Variants in SAMD3 observed in about 807,000 individuals in gnomAD.
The protein encoded by SAMD3 is sterile alpha motif domain-containing protein 3.
Under a neutral mutation model 58.5 loss-of-function variants are expected in SAMD3, and 63 were observed. The ratio of observed to expected loss-of-function variants is 1.08; its 90% CI spans 0.88 to 1.33. SAMD3 has a LOEUF of 1.33. Among genes scored for constraint, SAMD3 ranks in the 40% most tolerant of loss-of-function variants. The pLI is 0.00. For synonymous variants in SAMD3, 220 were observed against 210.3 expected (o/e 1.05, Z -0.40); for missense variants, 604 against 608.4 (o/e 0.99, Z 0.08).
intron 5 of SAMD3, among the ~76,000 whole-genome samples, chr6:130,186,144 T>C (rs1792942447): frequency 6.6e-6 from 1 of 151,960 alleles, no homozygotes; most frequent in African/African-American, 2.4e-5. Flanking sequence ...TAGGATCGAT[T>C]TGTGGTGGAA....
At chr6:130,247,829 ATTTCTGTGTCT>A (rs1317828684) in intron 2 of SAMD3, among the ~76,000 whole-genome samples, 1 of 152,204 alleles carries the variant, frequency 6.6e-6, no homozygotes, top group Admixed American at 6.5e-5. Context: ...GTTATTTAAC[ATTTCTGTGTCT>A]TTACTTAAGT....
intron 2 of SAMD3, among the ~76,000 whole-genome samples, chr6:130,280,768 C>T (rs1774953926): frequency 2.0e-5 from 3 of 152,172 alleles, no homozygotes; most frequent in African/African-American, 4.8e-5. Flanking sequence ...ATCTTCTTGC[C>T]TTCCCTCTTT....
intron 8 of SAMD3, among the ~76,000 whole-genome samples, chr6:130,157,195 A>C (rs1789870126): frequency 1.3e-5 from 2 of 151,972 alleles, no homozygotes; most frequent in African/African-American, 4.8e-5. Context: ...TTAATTAACT[A>C]ATTAAAGATG....
Position 130,144,451 on chromosome 6 carries a change from A to C in SAMD3, c.*69T>G. ...ATACCTACCTCTACCACAACCCTAA[A>C]TCAAAACAATTTCTTATGAAGCTTC... is the stretch of plus-strand genomic sequence containing the variant. On this transcript the variant is annotated 3_prime_UTR_variant, in exon 12 of 12. Coordinates refer to ENST00000439090, the MANE Select transcript of SAMD3 (RefSeq NM_001017373.4). 1 of 1,508,720 alleles carries C rather than the reference A, an allele frequency of 6.6e-7. No individual in the cohort carries two copies. The highest frequency in any genetic ancestry group is 9.0e-7 in the Non-Finnish European group (1 of 1,114,898). The allele number at this position is 1,508,720 out of a possible 1,614,324, so 93.5% of individuals were successfully genotyped here.
rs1788531130 is a variant in SAMD3 at position 130,145,408 on chromosome 6, C to CATGTAAACA, written c.1209_1210insTGTTTACAT (p.Thr403_Ala404insCysLeuHis). 2 of 1,610,292 alleles carry CATGTAAACA rather than the reference C, an allele frequency of 1.2e-6. No individual in the cohort carries two copies. Among genetic ancestry groups the CATGTAAACA allele is most frequent in the Non-Finnish European group, 1.7e-6 (2 of 1,177,386 alleles). ...ACATCTGGGAGGAGTAAACATGTGG[C>CATGTAAACA]TGTCATCTTCATGTCTGTCAAAGCA... On this transcript the variant is annotated inframe_insertion, in exon 11 of 12. Transcript: ENST00000439090.
intron 4 of SAMD3, among the ~76,000 whole-genome samples, chr6:130,211,741 C>T (rs954190699): frequency 2.6e-5 from 4 of 151,988 alleles, no homozygotes; most frequent in Admixed American, 6.6e-5. Flanking sequence ...ACATTGGGCA[C>T]ATGTCATCAG....
intron 7 of SAMD3, among the ~76,000 whole-genome samples, chr6:130,176,537 G>A (rs1791750770): frequency 6.6e-6 from 1 of 152,224 alleles, no homozygotes; most frequent in African/African-American, 2.4e-5. Context: ...TCCCCACTCT[G>A]GGAGGGAGAA....
At chr6:130,207,159 C>CA (rs376844642) in intron 5 of SAMD3, among the ~76,000 whole-genome samples, 670 of 52,640 alleles carry the variant, frequency 0.013, 2 homozygotes, top group Middle Eastern at 0.02. Context: ...CCCATCTCAT[C>CA]AAAAAAAAAA....
intron 5 of SAMD3, among the ~76,000 whole-genome samples, chr6:130,201,240 T>C (rs1035868105): frequency 1.3e-5 from 2 of 152,210 alleles, no homozygotes; most frequent in African/African-American, 4.8e-5. Context: ...TATGTATACC[T>C]GATCAAATCA....
At chr6:130,245,066 C>T (rs73603985) in intron 2 of SAMD3, among the ~76,000 whole-genome samples, 2,030 of 152,264 alleles carry the variant, frequency 0.013, 41 homozygotes, top group African/African-American at 0.046. Flanking sequence ...TCAACAAATT[C>T]ATTTGAATTA....
chr6:130,292,933 G>A (rs1303735437), intron 2 of SAMD3, among the ~76,000 whole-genome samples: 1 of 152,180 alleles, frequency 6.6e-6, no homozygotes, highest in African/African-American at 2.4e-5. Context: ...CAACTGTTAA[G>A]TGTCAAACTC....
chr6:130,289,649 G>A (rs867723850), intron 2 of SAMD3, among the ~76,000 whole-genome samples: 2 of 152,132 alleles, frequency 1.3e-5, no homozygotes. Context: ...AGGGGCACCT[G>A]CCACCATGTC....
intron 8 of SAMD3, among the ~76,000 whole-genome samples, chr6:130,157,905 C>A (rs78615861): frequency 2.0e-5 from 3 of 150,556 alleles, no homozygotes; most frequent in Non-Finnish European, 2.9e-5. Flanking sequence ...TTCTAACATA[C>A]GCTAACATAG....
Position 130,144,690 on chromosome 6 carries a change from C to G in SAMD3, c.1393G>C (p.Ala465Pro). ...RLTKVDDCVT[A>P]LAALVAAFHV... is the part of the protein sequence containing the mutation. ...AAGGCAGCTACTAGCGCAGCCAAGG[C>G]TGTAACACAGTCGTCCACCTTTGTG... is the stretch of plus-strand genomic sequence containing the variant. Residue 465 changes from alanine (A) to proline (P), a missense_variant, in exon 12 of 12, where the codon GCC becomes CCC. Ala to Pro is a conservative substitution (Grantham distance 27, BLOSUM62 -1). Coordinates refer to ENST00000439090, the MANE Select transcript of SAMD3 (RefSeq NM_001017373.4). 1 of 1,614,064 alleles carries G rather than the reference C, an allele frequency of 6.2e-7. No homozygotes were observed. Among genetic ancestry groups the G allele is most frequent in the Non-Finnish European group, 8.5e-7 (1 of 1,180,002 alleles).
chr6:130,145,401 C>T lies in SAMD3; in HGVS notation c.1217G>A (p.Cys406Tyr). The part of the protein sequence containing the change: ...MLKYMKMTAT[C>Y]LLLPDVFGDD... The stretch of plus-strand genomic sequence containing the variant: ...CCCAAAAACATCTGGGAGGAGTAAA[C>T]ATGTGGCTGTCATCTTCATGTCTGT... The change falls in exon 11 of 12, where the codon TGT becomes TAT. Residue 406 changes from cysteine (C) to tyrosine (Y), a missense_variant. Cys to Tyr is a radical substitution (Grantham distance 194). Coordinates refer to ENST00000439090, the MANE Select transcript of SAMD3 (RefSeq NM_001017373.4). 1 of 1,611,212 alleles carries T rather than the reference C, an allele frequency of 6.2e-7. No homozygotes were observed. Among genetic ancestry groups the T allele is most frequent in the Non-Finnish European group, 8.5e-7 (1 of 1,178,080 alleles).
chr6:130,250,882 A>C (rs908528056), intron 2 of SAMD3, among the ~76,000 whole-genome samples: 4 of 152,176 alleles, frequency 2.6e-5, no homozygotes, highest in African/African-American at 9.7e-5. Context: ...GGCTCTTATG[A>C]ATACTGCTGC....
At chr6:130,347,653 G>C (rs907315991) in intron 1 of SAMD3, among the ~76,000 whole-genome samples, 2 of 152,186 alleles carry the variant, frequency 1.3e-5, no homozygotes, top group African/African-American at 4.8e-5. Flanking sequence ...AACACACTTT[G>C]CAGGATATTA....
At chr6:130,308,398 C>CTATTCTATTCTATTCTATTCTATT in intron 2 of SAMD3, among the ~76,000 whole-genome samples, 2 of 145,538 alleles carry the variant, frequency 1.4e-5, no homozygotes, top group African/African-American at 5.3e-5. Flanking sequence ...CTATTCTATT[C>CTATTCTATTCTATTCTATTCTATT]TATTCTATTC....
At chr6:130,241,297 C>T (rs560290963) in intron 2 of SAMD3, among the ~76,000 whole-genome samples, 17 of 150,016 alleles carry the variant, frequency 1.1e-4, no homozygotes, top group Non-Finnish European at 2.4e-4. Flanking sequence ...TTCACTGCAA[C>T]CTCTGCCTCC....
Sources: gnomAD v4.1 joint callset for allele counts (sites outside exome capture counted in the v4.1 genomes callset) on GRCh38, gnomAD v4.1.1 for gene constraint, MANE v1.5 for transcripts, NCBI Gene and HGNC (gene_info 2026-07-23, HGNC 2026-07-21) for gene names.